Variants in ARHGEF26 observed in about 807,000 individuals in gnomAD.
ARHGEF26 encodes the protein Rho guanine nucleotide exchange factor 26.
A neutral mutation model predicts 89.4 loss-of-function variants in ARHGEF26; 59 were observed. The observed-to-expected ratio is 0.66, with a 90% CI of 0.54 to 0.82. The LOEUF is 0.82. ARHGEF26 is among the 40% of genes least tolerant of loss of function. The pLI is 0.00. For synonymous variants in ARHGEF26, 500 were observed against 428.4 expected (o/e 1.17, Z -2.06); for missense variants, 1,234 against 1,085.6 (o/e 1.14, Z -1.92).
intron 9 of ARHGEF26, among the ~76,000 whole-genome samples, chr3:154,215,466 C>T (rs572385735): frequency 4.6e-5 from 7 of 151,678 alleles, no homozygotes; most frequent in African/African-American, 1.7e-4. Flanking sequence ...AACCCTAGTA[C>T]CTGAAACATA....
chr3:154,229,223 C>T (rs922634121), intron 11 of ARHGEF26, among the ~76,000 whole-genome samples: 2 of 151,866 alleles, frequency 1.3e-5, no homozygotes, highest in East Asian at 1.9e-4. Context: ...TTTTTAGAGA[C>T]GGGACCTTGT....
At chr3:154,164,346 T>C (rs891144247) in intron 6 of ARHGEF26, among the ~76,000 whole-genome samples, 3 of 152,084 alleles carry the variant, frequency 2.0e-5, no homozygotes, top group African/African-American at 7.2e-5. Context: ...GTTTTAAGGA[T>C]GTGGATTAAA....
chr3:154,209,414 T>C (rs560927393), intron 9 of ARHGEF26, among the ~76,000 whole-genome samples: 2 of 152,264 alleles, frequency 1.3e-5, no homozygotes, highest in East Asian at 1.9e-4. Flanking sequence ...TGGGAAGGCT[T>C]TCCAGACATG....
At position 154,228,987 on chromosome 3, in the gene ARHGEF26, G is replaced by A. The variant is rs556616566; in HGVS notation, c.2090+2977G>A. Among the ~76,000 whole-genome samples, 17 of 152,198 alleles carry A rather than the reference G, an allele frequency of 1.1e-4. No individual in the cohort carries two copies. The East Asian group carries it at 2.9e-3, about 26-fold the overall frequency. ...TTTCAGCTACTGAGAAAAGCTGCTC[G>A]GGAGGACAGTTACTCTTCCTCCTCC... is the stretch of plus-strand genomic sequence containing the variant. On this transcript the variant is annotated intron_variant, in intron 11 of 14. Transcript: ENST00000465093.
chr3:154,158,829 A>G (rs1711510897), intron 6 of ARHGEF26, among the ~76,000 whole-genome samples: 1 of 152,178 alleles, frequency 6.6e-6, no homozygotes, highest in South Asian at 2.1e-4. Flanking sequence ...AAAATCTACA[A>G]AAATCTATGG....
chr3:154,175,997 T>G (rs1389298338), intron 6 of ARHGEF26, among the ~76,000 whole-genome samples: 5 of 152,214 alleles, frequency 3.3e-5, no homozygotes, highest in Non-Finnish European at 7.3e-5. Flanking sequence ...ATTTTGGGGC[T>G]CTGACATTTT....
At chr3:154,235,013 T>C (rs573394947) in intron 11 of ARHGEF26, among the ~76,000 whole-genome samples, 27 of 152,232 alleles carry the variant, frequency 1.8e-4, no homozygotes, top group South Asian at 8.3e-4. Flanking sequence ...CCGCCCGCCT[T>C]GGCCTCCCTA....
intron 11 of ARHGEF26, among the ~76,000 whole-genome samples, chr3:154,239,264 G>A (rs1717316586): frequency 9.4e-6 from 1 of 106,520 alleles, no homozygotes; most frequent in Non-Finnish European, 1.9e-5. Context: ...GAGAGAGGGA[G>A]AGAGAGAGAG....
intron 2 of ARHGEF26, among the ~76,000 whole-genome samples, chr3:154,123,857 A>AG (rs1718154387): frequency 6.6e-6 from 1 of 152,168 alleles, no homozygotes; most frequent in Non-Finnish European, 1.5e-5. Context: ...GGAAAACTGA[A>AG]GAGGGGTATT....
chr3:154,175,345 C>G (rs1163347370), intron 6 of ARHGEF26, among the ~76,000 whole-genome samples: 1 of 151,984 alleles, frequency 6.6e-6, no homozygotes, highest in African/African-American at 2.4e-5. Flanking sequence ...TGTGGTAACT[C>G]TTTTTACCTT....
chr3:154,160,572 G>A (rs543128414), intron 6 of ARHGEF26, among the ~76,000 whole-genome samples: 1 of 152,136 alleles, frequency 6.6e-6, no homozygotes, highest in African/African-American at 2.4e-5. Flanking sequence ...ACCTGAGATG[G>A]TTGTCCAGTA....
intron 11 of ARHGEF26, among the ~76,000 whole-genome samples, chr3:154,239,251 AG>A (rs1559920304): frequency 1.7e-4 from 4 of 23,810 alleles, no homozygotes; most frequent in African/African-American, 3.4e-4. Flanking sequence ...TAAATGACCG[AG>A]AGAGAGAGGG....
At chr3:154,204,645 A>G (rs1347506045) in intron 9 of ARHGEF26, among the ~76,000 whole-genome samples, 1 of 151,722 alleles carries the variant, frequency 6.6e-6, no homozygotes, top group East Asian at 1.9e-4. Flanking sequence ...CTCTTTTTTG[A>G]TTTATTCACT....
chr3:154,150,210 T>A (rs1367077187), intron 5 of ARHGEF26, among the ~76,000 whole-genome samples: 2 of 151,456 alleles, frequency 1.3e-5, no homozygotes, highest in African/African-American at 2.4e-5. Flanking sequence ...TTTTCAAGTT[T>A]AAAAAAAATA....
At chr3:154,168,813 G>A (rs1387615842) in intron 6 of ARHGEF26, among the ~76,000 whole-genome samples, 1 of 151,598 alleles carries the variant, frequency 6.6e-6, no homozygotes, top group Non-Finnish European at 1.5e-5. Flanking sequence ...CTGTATATGC[G>A]ATTCTGCCAC....
Position 154,201,735 on chromosome 3 carries a change from T to A in ARHGEF26, c.1845+7017T>A, listed in dbSNP as rs567888174. Among the ~76,000 whole-genome samples, 5 of 152,316 alleles carry A rather than the reference T, an allele frequency of 3.3e-5. No individual in the cohort carries two copies. The South Asian group carries it at 1.0e-3, about 32-fold the overall frequency. ...ATGGTATCTCATTGTGGTTTTGATT[T>A]GCATTTCTCTGATAGCCAGTGATGA... On this transcript the variant is annotated intron_variant, in intron 9 of 14. Transcript: ENST00000465093.
chr3:154,202,712 C>T lies in ARHGEF26; in HGVS notation c.1845+7994C>T, dbSNP rs910062163. ...GTTTGTAGTTCTCCTTGAAGAGGTC[C>T]TTCATGTCCCTTGTAAGTTGGATTC... On this transcript the variant is annotated intron_variant, in intron 9 of 14. Transcript: ENST00000465093. Among the ~76,000 whole-genome samples the T allele has an allele frequency of 1.0e-4, 15 of 150,288 alleles. 2 individuals are homozygous for T. The highest frequency in any genetic ancestry group is 2.0e-4 in the Admixed American group (3 of 15,012).
chr3:154,255,655 T>A lies in ARHGEF26; in HGVS notation c.*182T>A. 1.4e-6 allele frequency: 2 copies of A among 1,415,176 alleles called. No homozygotes were observed. Among genetic ancestry groups the A allele is most frequent in the Non-Finnish European group, 1.8e-6 (2 of 1,091,932 alleles). 87.7% of individuals were successfully genotyped at this position (1,415,176 alleles called of 1,614,324 possible). A position where few individuals can be genotyped will look rare whatever the true frequency, so the allele number is the denominator to read the frequency against. On this transcript the variant is annotated 3_prime_UTR_variant, in exon 15 of 15. Coordinates refer to ENST00000465093, the MANE Select transcript of ARHGEF26 (RefSeq NM_015595.4). ...GAGAAGAGCTTGGATACAGTGAGTT[T>A]GCACAGCTCAGTTTTTACCTAACCA...
chr3:154,144,820 TA>T (rs1455984416), intron 4 of ARHGEF26, among the ~76,000 whole-genome samples: 3 of 152,216 alleles, frequency 2.0e-5, no homozygotes, highest in Non-Finnish European at 4.4e-5. Flanking sequence ...AGCTTAACAA[TA>T]GGACATCAGA....
Sources: allele counts gnomAD v4.1 joint callset (sites outside exome capture counted in the v4.1 genomes callset), GRCh38; gene constraint gnomAD v4.1.1; transcripts MANE v1.5; gene names NCBI Gene and HGNC (gene_info 2026-07-23, HGNC 2026-07-21).